ITPR2: variants seen among roughly 807,000 people sequenced by gnomAD.
ITPR2 encodes the protein inositol 1,4,5-trisphosphate receptor type 2, also known as inositol 1,4,5-trisphosphate-gated calcium channel ITPR2.
ITPR2 carries 207 observed loss-of-function variants against 317.1 expected under a neutral mutation model. The ratio of observed to expected loss-of-function variants is 0.65; its 90% CI spans 0.58 to 0.73. ITPR2 has a LOEUF of 0.73. ITPR2 is among the 30% of genes least tolerant of loss of function. The pLI is 0.00. For synonymous variants in ITPR2, 1,156 were observed against 1,149.1 expected (o/e 1.01, Z -0.12); for missense variants, 2,613 against 3,284.0 (o/e 0.80, Z 4.99).
intron 37 of ITPR2, among the ~76,000 whole-genome samples, chr12:26,533,945 C>A (rs1944014026): frequency 6.6e-6 from 1 of 152,158 alleles, no homozygotes; most frequent in Non-Finnish European, 1.5e-5. Context: ...GAAGATGATA[C>A]AATACAAGGC....
chr12:26,430,185 T>G (rs1221019321), intron 48 of ITPR2, among the ~76,000 whole-genome samples: 3 of 152,236 alleles, frequency 2.0e-5, no homozygotes, highest in Non-Finnish European at 4.4e-5. Context: ...TATAATTAAC[T>G]TCTCTAAGAA....
chr12:26,370,656 T>TTTG lies in ITPR2; in HGVS notation c.7857+16775_7857+16777dup, dbSNP rs139314698. 4.6e-5 allele frequency among the ~76,000 whole-genome samples: 7 copies of TTTG among 151,854 alleles called. No individual in the cohort carries two copies. The South Asian group carries it at 1.2e-3, about 27-fold the overall frequency. On this transcript the variant is annotated intron_variant, in intron 55 of 56. Transcript: ENST00000381340. ...ACTAGTTGGCAAACACGAATTTATTTTTGTTGTTGTTGTTGTTTGTTGTTT... is the reference window on the plus strand; with the variant it reads ...ACTAGTTGGCAAACACGAATTTATTTTTGTTGTTGTTGTTGTTGTTTGTTGTTT...
chr12:26,462,674 T>C lies in ITPR2; in HGVS notation c.6342+12622A>G, dbSNP rs112277591. On this transcript the variant is annotated intron_variant, in intron 45 of 56. Transcript: ENST00000381340. ...CAGCTATATAGTTAAGCTTTCTTTC[T>C]TTTTTTTTTTTTTTTGAGACAGAGT... Among the ~76,000 whole-genome samples, 200 of 27,506 alleles carry C rather than the reference T, an allele frequency of 7.3e-3. 11 individuals are homozygous for C. The highest frequency in any genetic ancestry group is 0.02 in the South Asian group (11 of 564). The allele number at this position is 27,506 out of a possible 152,430, so 18.0% of individuals were successfully genotyped here.
At chr12:26,741,423 T>C (rs1198637209) in intron 2 of ITPR2, among the ~76,000 whole-genome samples, 1 of 152,228 alleles carries the variant, frequency 6.6e-6, no homozygotes, top group Non-Finnish European at 1.5e-5. Context: ...GCCAGCTGGG[T>C]ACAAGTCAGG....
rs770777424 is a variant in ITPR2, at chr12:26,411,390, C to T, written c.7329G>A (p.Met2443Ile). The T allele has an allele frequency of 1.3e-4, 211 of 1,612,868 alleles. 3 individuals are homozygous for T. In the Admixed American group the frequency reaches 3.5e-3, roughly 27 times the overall value. ...PVTGSHQVPTMTLTTMMEACA... is the reference protein window; with the variant it reads ...PVTGSHQVPTITLTTMMEACA... Reference sequence around the variant, plus strand: ...ATGCTTCCATCATGGTAGTTAAAGTCATAGTAGGCACTTGATGACTGCCTA... The same window carrying T: ...ATGCTTCCATCATGGTAGTTAAAGTTATAGTAGGCACTTGATGACTGCCTA... Residue 2443 changes from methionine (M) to isoleucine (I), a missense_variant, in exon 52 of 57, where the codon ATG becomes ATA. Around this residue, in one of 9 missense-constraint regions of ITPR2, gnomAD observed 113 missense variants for 129.2 expected, o/e 0.87. Transcript: ENST00000381340.
Position 26,657,866 on chromosome 12 carries a change from G to T in ITPR2, c.2033C>A (p.Pro678His), listed in dbSNP as rs771383245. 2 of 1,613,904 alleles carry T rather than the reference G, an allele frequency of 1.2e-6. No homozygotes were observed. The highest frequency in any genetic ancestry group is 1.3e-5 in the African/African-American group (1 of 74,894). The change falls in exon 18 of 57, where the codon CCC becomes CAC. Residue 678 changes from proline to histidine, a missense_variant. Physicochemically the swap from Pro to His is moderately conservative, Grantham distance 77 (BLOSUM62 -2). Transcript: ENST00000381340. ...TKVVSMQADNPMESSILSDDI... is the reference protein window; with the variant it reads ...TKVVSMQADNHMESSILSDDI... ...ATCTGAAAGGATGGAGCTCTCCATG[G>T]GGTTGTCTGCTTGCATTGAGACCAC...
rs543315077 is a variant in ITPR2, at chr12:26,516,712, T to C, written c.5074-21452A>G. On this transcript the variant is annotated intron_variant, in intron 37 of 56. Coordinates refer to ENST00000381340, the MANE Select transcript of ITPR2 (RefSeq NM_002223.4). ...AGATAAGAAATTCAGGAAGAAATTG[T>C]GGAAAAAATAGGAGATGAACATTTA... 3.5e-4 allele frequency among the ~76,000 whole-genome samples: 53 copies of C among 152,052 alleles called. No homozygotes were observed. The South Asian group carries it at 0.011, about 30-fold the overall frequency.
intron 1 of ITPR2, among the ~76,000 whole-genome samples, chr12:26,821,304 C>T (rs747973084): frequency 5.3e-5 from 8 of 152,266 alleles, no homozygotes; most frequent in Non-Finnish European, 1.0e-4. Context: ...GTGATTTCCC[C>T]GGTAGCCAGA....
At chr12:26,419,251 T>A (rs746165261) in intron 49 of ITPR2, 38 bp from the exon 50 acceptor site, 5 of 1,585,586 alleles carry the variant, frequency 3.2e-6, no homozygotes, top group Non-Finnish European at 4.3e-6. Flanking sequence ...CTGTCTTATT[T>A]ATCCTGAAAC....
chr12:26,429,179 G>A (rs769101097), intron 48 of ITPR2, among the ~76,000 whole-genome samples: 1 of 152,144 alleles, frequency 6.6e-6, no homozygotes, highest in Non-Finnish European at 1.5e-5. Flanking sequence ...TCAGAAATAG[G>A]CAGGAAGATC....
chr12:26,711,350 C>G (rs1948639385), intron 8 of ITPR2, 82 bp from the exon 9 acceptor site: 1 of 927,084 alleles, frequency 1.1e-6, no homozygotes, highest in Admixed American at 1.8e-5. Flanking sequence ...CATGCCTGCC[C>G]TCCTGTTAAT....
At chr12:26,611,115 A>G (rs1946255243) in intron 26 of ITPR2, among the ~76,000 whole-genome samples, 1 of 152,232 alleles carries the variant, frequency 6.6e-6, no homozygotes. Context: ...GTTTACAGGA[A>G]TCTTTCGAAC....
chr12:26,490,091 A>C (rs917755898), intron 39 of ITPR2, among the ~76,000 whole-genome samples: 6 of 152,254 alleles, frequency 3.9e-5, no homozygotes, highest in African/African-American at 1.4e-4. Flanking sequence ...ATATAAGAGT[A>C]ATTTAATGCT....
At chr12:26,739,477 C>T (rs1266306605) in intron 2 of ITPR2, among the ~76,000 whole-genome samples, 1 of 152,160 alleles carries the variant, frequency 6.6e-6, no homozygotes, top group East Asian at 1.9e-4. Flanking sequence ...AGAACAAATA[C>T]TGACACATGC....
intron 49 of ITPR2, among the ~76,000 whole-genome samples, chr12:26,422,102 TACTA>T (rs1186295826): frequency 3.3e-5 from 5 of 150,686 alleles, no homozygotes; most frequent in Non-Finnish European, 7.4e-5. Context: ...ATGAAATTAT[TACTA>T]ATTACTAAAT....
intron 2 of ITPR2, among the ~76,000 whole-genome samples, chr12:26,759,152 A>T (rs1283715889): frequency 6.6e-6 from 1 of 152,270 alleles, no homozygotes; most frequent in Non-Finnish European, 1.5e-5. Flanking sequence ...GTTTCAAAAA[A>T]GAAACACCCC....
At chr12:26,610,721 T>C (rs1274327809) in intron 26 of ITPR2, among the ~76,000 whole-genome samples, 1 of 152,160 alleles carries the variant, frequency 6.6e-6, no homozygotes, top group Non-Finnish European at 1.5e-5. Context: ...ACAGGCTTTG[T>C]AAGTAGGTAT....
chr12:26,640,779 G>A (rs1351048720), intron 21 of ITPR2, among the ~76,000 whole-genome samples: 1 of 152,088 alleles, frequency 6.6e-6, no homozygotes, highest in Non-Finnish European at 1.5e-5. Context: ...TGCTTCAAAT[G>A]CATAAATGCT....
rs1937916573 is a variant in ITPR2 at position 26,336,377 on chromosome 12, T to C, written c.*3020A>G. 1 of 152,220 alleles carries C rather than the reference T, an allele frequency of 6.6e-6. No homozygotes were observed. Among genetic ancestry groups the C allele is most frequent in the African/African-American group, 2.4e-5 (1 of 41,458 alleles). 9.4% of individuals were successfully genotyped at this position (152,220 alleles called of 1,614,324 possible). On this transcript the variant is annotated 3_prime_UTR_variant, in exon 57 of 57. Coordinates refer to ENST00000381340, the MANE Select transcript of ITPR2 (RefSeq NM_002223.4). ...ATGGGAATAAGCACACAATTAGTTC[T>C]GACGAAAGAAATATCTTCCTGATGT...
Sources: allele counts gnomAD v4.1 joint callset (sites outside exome capture counted in the v4.1 genomes callset), GRCh38; gene constraint gnomAD v4.1.1; regional missense constraint gnomAD v4.1.1; transcripts MANE v1.5; gene names NCBI Gene and HGNC (gene_info 2026-07-23, HGNC 2026-07-21).